DLGAP2: variants seen among roughly 807,000 people sequenced by gnomAD.
DLGAP2 encodes disks large-associated protein 2.
In DLGAP2, 26 loss-of-function variants were observed where a neutral mutation model predicts 100.3. That is an observed-to-expected ratio of 0.26 (90% CI 0.19 to 0.36). DLGAP2 has a LOEUF of 0.36. Among genes scored for constraint, DLGAP2 ranks in the 10% least tolerant of loss-of-function variants. The probability of loss-of-function intolerance (pLI) is 1.00; values close to 1 mark genes in which losing one functional copy is unlikely to be tolerated. For missense variants in DLGAP2, 1,858 were observed against 1,453.2 expected (o/e 1.28, Z -4.53); for synonymous variants, 886 against 630.1 (o/e 1.41, Z -6.08).
chr8:1,521,265 T>A lies in DLGAP2; in HGVS notation c.172+19834T>A, dbSNP rs113527381. On this transcript the variant is annotated intron_variant, in intron 4 of 14. Transcript: ENST00000637795. ...CACACTTGTTTTAATTTGGAATACTTGGGGGCAGGTGATATGGGGCATCTC... is the reference window on the plus strand; with the variant it reads ...CACACTTGTTTTAATTTGGAATACTAGGGGGCAGGTGATATGGGGCATCTC... Among the ~76,000 whole-genome samples the A allele has an allele frequency of 4.1e-5, 3 of 73,616 alleles. 1 individual carries two copies. Among genetic ancestry groups the A allele is most frequent in the Non-Finnish European group, 5.5e-5 (2 of 36,060 alleles). The allele number at this position is 73,616 out of a possible 152,430, so 48.3% of individuals were successfully genotyped here.
intron 3 of DLGAP2, among the ~76,000 whole-genome samples, chr8:1,478,842 A>C (rs1472124101): frequency 2.0e-5 from 3 of 152,256 alleles, no homozygotes; most frequent in Non-Finnish European, 4.4e-5. Flanking sequence ...GATGAAGATC[A>C]GTCATTAGCC....
intron 2 of DLGAP2, among the ~76,000 whole-genome samples, chr8:1,070,207 C>T (rs182667706): frequency 1.3e-5 from 2 of 152,226 alleles, no homozygotes; most frequent in Admixed American, 1.3e-4. Context: ...CCTTTCTTGC[C>T]TCCTTTCCTG....
chr8:757,682 A>G (rs899940157), intron 1 of DLGAP2, among the ~76,000 whole-genome samples: 1 of 152,174 alleles, frequency 6.6e-6, no homozygotes, highest in Non-Finnish European at 1.5e-5. Flanking sequence ...CTGAGATCAG[A>G]TGTCTTTGAA....
At chr8:1,006,434 G>A (rs984874665) in intron 2 of DLGAP2, among the ~76,000 whole-genome samples, 15 of 136,402 alleles carry the variant, frequency 1.1e-4, no homozygotes, top group African/African-American at 2.2e-4. Context: ...TTATCACGTC[G>A]GGGGCGCCCT....
At chr8:1,435,557 A>G (rs772264781) in intron 3 of DLGAP2, among the ~76,000 whole-genome samples, 1 of 152,124 alleles carries the variant, frequency 6.6e-6, no homozygotes, top group Non-Finnish European at 1.5e-5. Context: ...GCATCTTGTG[A>G]TGGTGCTGAC....
chr8:1,182,813 A>G (rs1266845275), intron 2 of DLGAP2, among the ~76,000 whole-genome samples: 1 of 151,982 alleles, frequency 6.6e-6, no homozygotes, highest in Non-Finnish European at 1.5e-5. Context: ...CGGGTCGGCA[A>G]CTCTGGGCAG....
intron 2 of DLGAP2, among the ~76,000 whole-genome samples, chr8:1,183,259 C>T (rs1011179111): frequency 2.7e-4 from 41 of 151,902 alleles, no homozygotes; most frequent in Admixed American, 6.6e-5. Flanking sequence ...TGGAGGTTCA[C>T]GGAAGGGGAG....
At chr8:1,298,551 C>T (rs1185189392) in intron 3 of DLGAP2, among the ~76,000 whole-genome samples, 5 of 152,216 alleles carry the variant, frequency 3.3e-5, no homozygotes, top group Admixed American at 1.3e-4. Flanking sequence ...GAGTGGCAGT[C>T]GCTGAGCGTG....
chr8:1,376,262 T>C (rs7841237), intron 3 of DLGAP2, among the ~76,000 whole-genome samples: 3,308 of 152,318 alleles, frequency 0.022, 107 homozygotes, highest in African/African-American at 0.076. Flanking sequence ...TGCTGTCTCA[T>C]AGCTGTGAGC....
intron 2 of DLGAP2, among the ~76,000 whole-genome samples, chr8:1,036,214 C>T (rs368429427): frequency 2.0e-4 from 31 of 151,866 alleles, no homozygotes; most frequent in Admixed American, 1.0e-3. Context: ...AGCCTCATCC[C>T]GACCCCGCGT....
At chr8:1,572,962 G>A (rs1365379158) in intron 6 of DLGAP2, among the ~76,000 whole-genome samples, 2 of 136,146 alleles carry the variant, frequency 1.5e-5, no homozygotes, top group Admixed American at 1.5e-4. Flanking sequence ...GGCATCTGAT[G>A]AGATGGAGAG....
At chr8:1,029,030 T>C (rs560424542) in intron 2 of DLGAP2, among the ~76,000 whole-genome samples, 32 of 152,258 alleles carry the variant, frequency 2.1e-4, no homozygotes, top group Non-Finnish European at 4.1e-4. Context: ...TGTCCTAGCT[T>C]CCCCTGAGCC....
intron 2 of DLGAP2, among the ~76,000 whole-genome samples, chr8:943,559 G>A: frequency 6.6e-6 from 1 of 152,084 alleles, no homozygotes; most frequent in South Asian, 2.1e-4. Context: ...ACGTCGTGAT[G>A]TGGCCATCCC....
intron 8 of DLGAP2, among the ~76,000 whole-genome samples, chr8:1,641,946 GTCCTCACCTGTGTCA>G (rs1563275384): frequency 6.0e-5 from 7 of 116,636 alleles, no homozygotes; most frequent in African/African-American, 1.7e-4. Context: ...GACCCCGCCG[GTCCTCACCTGTGTCA>G]CCCTCGACCC....
chr8:1,581,515 G>T (rs557120688), intron 6 of DLGAP2, among the ~76,000 whole-genome samples: 1 of 143,738 alleles, frequency 7.0e-6, no homozygotes, highest in Admixed American at 7.1e-5. Context: ...GAAGGATACA[G>T]ACAAAACTCC....
intron 3 of DLGAP2, among the ~76,000 whole-genome samples, chr8:1,477,676 C>T (rs1012089965): frequency 2.0e-5 from 3 of 152,026 alleles, no homozygotes; most frequent in Admixed American, 1.3e-4. Flanking sequence ...CAAAGTAGCT[C>T]GCTTATTTAC....
intron 5 of DLGAP2, among the ~76,000 whole-genome samples, chr8:1,560,706 C>A (rs7825442): frequency 0.084 from 12,770 of 152,302 alleles, 781 homozygotes; most frequent in African/African-American, 0.17. Flanking sequence ...ATTCTTTATT[C>A]TTCCTTAGTC....
In DLGAP2 at chr8:737,747, G is replaced by A. The variant is rs141356800; in HGVS notation, c.-61G>A. 0.15 allele frequency: 56,355 copies of A among 375,912 alleles called. 5,204 individuals carry two copies. Among genetic ancestry groups the A allele is most frequent in the East Asian group, 0.38 (9,892 of 26,296 alleles). 23.3% of individuals were successfully genotyped at this position (375,912 alleles called of 1,614,324 possible). Reference sequence around the variant, plus strand: ...AACCCGCGAGCCCCGGGAGCCGTCGGTCTGAGGAGGGGCCGCTTCGCCATG... The same window carrying A: ...AACCCGCGAGCCCCGGGAGCCGTCGATCTGAGGAGGGGCCGCTTCGCCATG... On this transcript the variant is annotated 5_prime_UTR_variant, in exon 1 of 15. Coordinates refer to ENST00000637795, the MANE Select transcript of DLGAP2 (RefSeq NM_001346810.2).
At chr8:1,146,611 A>G (rs1462040772) in intron 2 of DLGAP2, among the ~76,000 whole-genome samples, 3 of 152,106 alleles carry the variant, frequency 2.0e-5, no homozygotes, top group Non-Finnish European at 4.4e-5. Flanking sequence ...ATGTGTGTGC[A>G]TGCACGTGTG....
Sources: gnomAD v4.1 joint callset for allele counts (sites outside exome capture counted in the v4.1 genomes callset) on GRCh38, gnomAD v4.1.1 for gene constraint, MANE v1.5 for transcripts, NCBI Gene and HGNC (gene_info 2026-07-23, HGNC 2026-07-21) for gene names.